The following EPB41L4A variants were observed in gnomAD, a reference collection of about 807,000 sequenced individuals.
EPB41L4A encodes the protein erythrocyte membrane protein band 4.1 like 4A, also known as band 4.1-like protein 4A.
In EPB41L4A, 100 loss-of-function variants were observed where a neutral mutation model predicts 108.6. The observed-to-expected ratio is 0.92, with a 90% CI of 0.78 to 1.09. EPB41L4A has a LOEUF of 1.09. Among genes scored for constraint, EPB41L4A ranks in the 50% least tolerant of loss-of-function variants. EPB41L4A has a pLI of 0.00. For synonymous variants in EPB41L4A, 319 were observed against 289.0 expected (o/e 1.10, Z -1.05); for missense variants, 1,030 against 842.7 (o/e 1.22, Z -2.75).
At position 112,262,513 on chromosome 5, in the gene EPB41L4A, A is replaced by G; in HGVS notation, c.623T>C (p.Val208Ala). 1 of 1,613,948 alleles carries G rather than the reference A, an allele frequency of 6.2e-7. No individual in the cohort carries two copies. The highest frequency in any genetic ancestry group is 8.5e-7 in the Non-Finnish European group (1 of 1,179,824). ...RTAKSLEMYG[V>A]DLHPVYGENK... Reference sequence around the variant, plus strand: ...ACTCACATAGACGGGATGGAGGTCAACGCCATACATCTCCAGGGATTTGGC... The same window carrying G: ...ACTCACATAGACGGGATGGAGGTCAGCGCCATACATCTCCAGGGATTTGGC... Residue 208 changes from valine (V) to alanine (A), a missense_variant, in exon 7 of 23, where the codon GTT becomes GCT. Physicochemically the swap from Val to Ala is moderately conservative, Grantham distance 64. Coordinates refer to ENST00000261486, the MANE Select transcript of EPB41L4A (RefSeq NM_022140.5).
At chr5:112,286,728 T>C (rs1433259158) in intron 2 of EPB41L4A, among the ~76,000 whole-genome samples, 1 of 152,182 alleles carries the variant, frequency 6.6e-6, no homozygotes, top group Non-Finnish European at 1.5e-5. Flanking sequence ...TCCTGCATCA[T>C]GAAGGTTTCC....
intron 22 of EPB41L4A, among the ~76,000 whole-genome samples, chr5:112,165,689 A>T (rs1018112569): frequency 1.3e-5 from 2 of 151,978 alleles, no homozygotes; most frequent in Admixed American, 1.3e-4. Flanking sequence ...TCTTATGCGA[A>T]CCCCTCCTCC....
chr5:112,376,768 TATG>T (rs1309993694), intron 1 of EPB41L4A, among the ~76,000 whole-genome samples: 4 of 152,158 alleles, frequency 2.6e-5, no homozygotes, highest in Non-Finnish European at 5.9e-5. Context: ...ACCGTGGAAC[TATG>T]ATAAGTTAAA....
At chr5:112,304,207 G>C (rs1026939808) in intron 2 of EPB41L4A, among the ~76,000 whole-genome samples, 2 of 152,116 alleles carry the variant, frequency 1.3e-5, no homozygotes, top group African/African-American at 4.8e-5. Flanking sequence ...TGAAGTAAAA[G>C]GGCAGCAGAC....
intron 2 of EPB41L4A, among the ~76,000 whole-genome samples, chr5:112,281,988 T>G (rs1752993248): frequency 6.6e-6 from 1 of 152,174 alleles, no homozygotes; most frequent in Admixed American, 6.5e-5. Flanking sequence ...TATCTAAGTG[T>G]AGCAACTAAA....
At chr5:112,324,495 C>A (rs1046247146) in intron 1 of EPB41L4A, among the ~76,000 whole-genome samples, 1 of 151,908 alleles carries the variant, frequency 6.6e-6, no homozygotes, top group Non-Finnish European at 1.5e-5. Context: ...GAGGCCGAGG[C>A]GGGCAGATCA....
chr5:112,299,887 A>C (rs1487585790), intron 2 of EPB41L4A, among the ~76,000 whole-genome samples: 2 of 152,188 alleles, frequency 1.3e-5, no homozygotes, highest in African/African-American at 4.8e-5. Flanking sequence ...TTCCTGTTGC[A>C]CAAGGGCTTT....
intron 1 of EPB41L4A, among the ~76,000 whole-genome samples, chr5:112,355,530 CAATTTCCAAT>C (rs2150743296): frequency 6.6e-6 from 1 of 152,292 alleles, no homozygotes; most frequent in Non-Finnish European, 1.5e-5. Flanking sequence ...AGTTGGAACA[CAATTTCCAAT>C]ATGATGAGTT....
At chr5:112,229,543 T>C (rs1561492671) in intron 12 of EPB41L4A, among the ~76,000 whole-genome samples, 1 of 152,100 alleles carries the variant, frequency 6.6e-6, no homozygotes. Context: ...CAATGTGTAG[T>C]CTTTTATCCC....
At chr5:112,405,399 T>C (rs924758578) in intron 1 of EPB41L4A, among the ~76,000 whole-genome samples, 7 of 152,190 alleles carry the variant, frequency 4.6e-5, no homozygotes, top group Non-Finnish European at 7.4e-5. Context: ...ACAGAAATTG[T>C]TGATGATAAA....
chr5:112,365,334 T>C (rs1725448557), intron 1 of EPB41L4A, among the ~76,000 whole-genome samples: 1 of 152,088 alleles, frequency 6.6e-6, no homozygotes, highest in South Asian at 2.1e-4. Flanking sequence ...AGTAGCTGAG[T>C]CTCCAGGCAC....
intron 12 of EPB41L4A, among the ~76,000 whole-genome samples, chr5:112,150,610 T>C (rs749751682): frequency 7.9e-5 from 12 of 152,050 alleles, no homozygotes; most frequent in Non-Finnish European, 1.5e-4. Context: ...TAATCATAGC[T>C]AGGTTAAATA....
intron 1 of EPB41L4A, among the ~76,000 whole-genome samples, chr5:112,324,094 AAG>A (rs1755986454): frequency 6.6e-6 from 1 of 152,216 alleles, no homozygotes; most frequent in Non-Finnish European, 1.5e-5. Flanking sequence ...ATGAAAGATC[AAG>A]AGAGAGAAAA....
At chr5:112,323,527 T>A (rs1276098835) in intron 1 of EPB41L4A, among the ~76,000 whole-genome samples, 4 of 152,260 alleles carry the variant, frequency 2.6e-5, no homozygotes, top group Non-Finnish European at 5.9e-5. Flanking sequence ...CTTATTTATG[T>A]GAACAGGCAA....
rs190673343 is a variant in EPB41L4A, at chr5:112,214,538, C to T, written c.1088-4556G>A. On this transcript the variant is annotated intron_variant, in intron 12 of 22. Coordinates refer to ENST00000261486, the MANE Select transcript of EPB41L4A (RefSeq NM_022140.5). ...CAGCACTTTGGGAGGCCGAGGCGGG[C>T]GGATCATGAGGTCAGGAGATCGAGA... is the stretch of plus-strand genomic sequence containing the variant. Among the ~76,000 whole-genome samples, 111 of 152,040 alleles carry T rather than the reference C, an allele frequency of 7.3e-4. 2 individuals are homozygous for T. The East Asian group carries it at 0.015, about 21-fold the overall frequency.
chr5:112,325,003 T>C (rs1756052325), intron 1 of EPB41L4A, among the ~76,000 whole-genome samples: 1 of 152,204 alleles, frequency 6.6e-6, no homozygotes, highest in Non-Finnish European at 1.5e-5. Context: ...GAAGAATCTA[T>C]TCTATGGAAA....
At chr5:112,193,391 TC>T (rs1295996935) in intron 17 of EPB41L4A, among the ~76,000 whole-genome samples, 2 of 152,216 alleles carry the variant, frequency 1.3e-5, no homozygotes, top group East Asian at 3.9e-4. Flanking sequence ...AACCTTCACC[TC>T]CCGGGTTCAA....
In EPB41L4A at chr5:112,243,432, A is replaced by G. The variant is rs77092909; in HGVS notation, c.796-2622T>C. 9.9e-3 allele frequency among the ~76,000 whole-genome samples: 1,509 copies of G among 152,250 alleles called. 17 individuals are homozygous for G. Among genetic ancestry groups the G allele is most frequent in the Non-Finnish European group, 0.016 (1,055 of 68,030 alleles). On this transcript the variant is annotated intron_variant, in intron 9 of 22. Transcript: ENST00000261486. Reference sequence around the variant, plus strand: ...AGAATTTTCTGAATGGTAAATGAATATTGGCTTCAACTTAAAGTCACCAGC... The same window carrying G: ...AGAATTTTCTGAATGGTAAATGAATGTTGGCTTCAACTTAAAGTCACCAGC...
intron 1 of EPB41L4A, among the ~76,000 whole-genome samples, chr5:112,372,362 A>T (rs895714428): frequency 1.4e-4 from 21 of 152,110 alleles, no homozygotes; most frequent in Admixed American, 3.9e-4. Context: ...TGATCCAATC[A>T]CCTCCACCTG....
Sources: allele counts gnomAD v4.1 joint callset (sites outside exome capture counted in the v4.1 genomes callset), GRCh38; gene constraint gnomAD v4.1.1; transcripts MANE v1.5; gene names NCBI Gene and HGNC (gene_info 2026-07-23, HGNC 2026-07-21).